TPST1: variants seen among roughly 807,000 people sequenced by gnomAD.
TPST1 encodes the protein tyrosylprotein sulfotransferase 1.
Under a neutral mutation model 34.8 loss-of-function variants are expected in TPST1, and 20 were observed. The observed-to-expected ratio is 0.57, with a 90% CI of 0.40 to 0.84. TPST1 has a LOEUF of 0.84. Among genes scored for constraint, TPST1 ranks in the 40% least tolerant of loss-of-function variants. TPST1 has a pLI of 0.00. For synonymous variants in TPST1, 152 were observed against 159.4 expected (o/e 0.95, Z 0.35); for missense variants, 353 against 455.5 (o/e 0.78, Z 2.05).
chr7:66,352,377 C>T, intron 3 of TPST1, 128 bp from the exon 4 acceptor site: 1 of 1,497,718 alleles, frequency 6.7e-7, no homozygotes, highest in Non-Finnish European at 8.8e-7. Context: ...AACTGACAGG[C>T]TTCTTTCTCA....
chr7:66,212,744 C>T (rs761306766), intron 1 of TPST1, among the ~76,000 whole-genome samples: 12 of 152,120 alleles, frequency 7.9e-5, no homozygotes, highest in Middle Eastern at 3.2e-3. Flanking sequence ...TGAGCCACTG[C>T]GCCCGACCTC....
chr7:66,343,706 T>C (rs770240322), intron 3 of TPST1, among the ~76,000 whole-genome samples: 3 of 152,202 alleles, frequency 2.0e-5, no homozygotes, highest in Admixed American at 6.5e-5. Context: ...TCATGTCTGC[T>C]TTCAACAAAA....
rs1269087937 is a variant in TPST1 at position 66,359,939 on chromosome 7, G to A, written c.*74G>A. 4.4e-6 allele frequency: 2 copies of A among 456,596 alleles called. No individual in the cohort carries two copies. The highest frequency in any genetic ancestry group is 8.8e-6 in the Non-Finnish European group (2 of 226,972). 28.3% of individuals were successfully genotyped at this position (456,596 alleles called of 1,614,324 possible). On this transcript the variant is annotated 3_prime_UTR_variant, in exon 6 of 6. Coordinates refer to ENST00000304842, the MANE Select transcript of TPST1 (RefSeq NM_003596.4). ...AGCAGAAGGGAAATTCCTAGGATTG[G>A]CTGTCCCCTGCCAAGCTTGGTGGAG...
intron 3 of TPST1, among the ~76,000 whole-genome samples, chr7:66,329,760 A>G (rs371532553): frequency 6.6e-5 from 10 of 152,226 alleles, no homozygotes; most frequent in Non-Finnish European, 1.2e-4. Context: ...GAAATATTGC[A>G]CAGCCATAAC....
chr7:66,232,262 G>T (rs1256682411), intron 1 of TPST1, among the ~76,000 whole-genome samples: 1 of 146,986 alleles, frequency 6.8e-6, no homozygotes. Flanking sequence ...TGGAGCTATG[G>T]TGTGATTATG....
chr7:66,202,794 G>A (rs1035881361), upstream of TPST1, among the ~76,000 whole-genome samples: 26 of 152,142 alleles, frequency 1.7e-4, no homozygotes, highest in African/African-American at 6.3e-4. Context: ...AAAACAAAAG[G>A]TGGGCGCGGT....
chr7:66,253,189 A>T (rs1379088496), intron 2 of TPST1, among the ~76,000 whole-genome samples: 2 of 152,122 alleles, frequency 1.3e-5, no homozygotes, highest in Admixed American at 6.5e-5. Context: ...AGTATAAGGG[A>T]AGATGTATGT....
intron 3 of TPST1, among the ~76,000 whole-genome samples, chr7:66,315,162 C>T (rs755524506): frequency 5.9e-5 from 9 of 152,180 alleles, no homozygotes; most frequent in Non-Finnish European, 1.0e-4. Flanking sequence ...AAGAGTTTAT[C>T]AAAGGAATGA....
chr7:66,225,427 C>T (rs1789634048), intron 1 of TPST1, among the ~76,000 whole-genome samples: 1 of 151,604 alleles, frequency 6.6e-6, no homozygotes, highest in Non-Finnish European at 1.5e-5. Context: ...GCCTGGGCAA[C>T]ATGGTGAAAC....
chr7:66,350,307 G>T (rs550561897), intron 3 of TPST1, among the ~76,000 whole-genome samples: 1 of 152,124 alleles, frequency 6.6e-6, no homozygotes, highest in Non-Finnish European at 1.5e-5. Flanking sequence ...GAGCTACCGC[G>T]CCCAGCCGAA....
intron 3 of TPST1, among the ~76,000 whole-genome samples, chr7:66,305,654 C>A (rs892485383): frequency 6.6e-6 from 1 of 152,146 alleles, no homozygotes; most frequent in South Asian, 2.1e-4. Flanking sequence ...AGTCTCAGCT[C>A]TCTGTTCAGT....
At chr7:66,239,380 G>A (rs1789979680) in intron 1 of TPST1, among the ~76,000 whole-genome samples, 2 of 152,126 alleles carry the variant, frequency 1.3e-5, no homozygotes, top group African/African-American at 4.8e-5. Flanking sequence ...TTTCCACGGA[G>A]GCACTCATCA....
intron 2 of TPST1, among the ~76,000 whole-genome samples, chr7:66,283,184 C>G (rs974978164): frequency 7.9e-5 from 12 of 152,204 alleles, no homozygotes; most frequent in Non-Finnish European, 1.5e-4. Context: ...TCGCTTGAAC[C>G]CAGGAGGCAG....
intron 3 of TPST1, among the ~76,000 whole-genome samples, chr7:66,315,916 G>A (rs1011148884): frequency 6.6e-6 from 1 of 152,110 alleles, no homozygotes; most frequent in African/African-American, 2.4e-5. Context: ...TTCGAGACCA[G>A]CCTGACCAAC....
chr7:66,312,880 A>G (rs1791558923), intron 3 of TPST1, among the ~76,000 whole-genome samples: 1 of 152,206 alleles, frequency 6.6e-6, no homozygotes, highest in African/African-American at 2.4e-5. Flanking sequence ...AGATGTCTGC[A>G]AAGGAGACAA....
intron 2 of TPST1, among the ~76,000 whole-genome samples, chr7:66,266,972 G>A (rs751462875): frequency 7.9e-5 from 12 of 151,984 alleles, no homozygotes; most frequent in Non-Finnish European, 1.6e-4. Context: ...AAAATTTTGA[G>A]TTACACACTT....
intron 3 of TPST1, among the ~76,000 whole-genome samples, chr7:66,317,564 G>A (rs940256007): frequency 9.4e-5 from 14 of 149,532 alleles, no homozygotes; most frequent in African/African-American, 3.4e-4. Context: ...CTAGTATATC[G>A]TTTTTATAAA....
At chr7:66,335,739 A>G (rs981491302) in intron 3 of TPST1, among the ~76,000 whole-genome samples, 1 of 152,210 alleles carries the variant, frequency 6.6e-6, no homozygotes, top group Non-Finnish European at 1.5e-5. Flanking sequence ...TCTGATGCTC[A>G]CTGTAAGTCT....
chr7:66,330,039 C>T (rs974896902), intron 3 of TPST1, among the ~76,000 whole-genome samples: 1 of 152,158 alleles, frequency 6.6e-6, no homozygotes, highest in African/African-American at 2.4e-5. Flanking sequence ...ATATCCCAAA[C>T]TTCAGCATCA....
Sources: allele counts gnomAD v4.1 joint callset (sites outside exome capture counted in the v4.1 genomes callset), GRCh38; gene constraint gnomAD v4.1.1; transcripts MANE v1.5; gene names NCBI Gene and HGNC (gene_info 2026-07-23, HGNC 2026-07-21).